GAK: variants seen among roughly 807,000 people sequenced by gnomAD.
The protein encoded by GAK is cyclin-G-associated kinase.
A neutral mutation model predicts 143.9 loss-of-function variants in GAK; 79 were observed. That is an observed-to-expected ratio of 0.55 (90% confidence interval 0.46 to 0.66). The LOEUF is 0.66. GAK is among the 30% of genes least tolerant of loss of function. The pLI is 0.00. For missense variants in GAK, 1,693 were observed against 1,779.7 expected (o/e 0.95, Z 0.88); for synonymous variants, 881 against 765.5 (o/e 1.15, Z -2.49).
rs891336446 is a variant in GAK at position 895,554 on chromosome 4, C to T, written c.741+906G>A. 1.3e-4 allele frequency among the ~76,000 whole-genome samples: 20 copies of T among 152,370 alleles called. 4 individuals carry two copies. Among genetic ancestry groups the T allele is most frequent in the East Asian group, 1.9e-4 (1 of 5,190 alleles). ...CAGCCTGCAGCCCCACGTGCTGTCT[C>T]AGCCTTCAGCCCATGTGCTGTGGCT... On this transcript the variant is annotated intron_variant, in intron 7 of 27. Transcript: ENST00000314167.
rs768579483 is a variant in GAK, at chr4:851,015, G to C, written c.3578C>G (p.Ser1193Cys). ...LLSNQGFSSR[S>C]DKKGPKTIAE... ...AATGGTCTTTGGCCCTTTCTTGTCA[G>C]ACCTGGAGGAGAAGCCTTGATTGGA... The change falls in exon 26 of 28, where the codon TCT (serine) becomes TGT (cysteine). Residue 1193 changes from serine to cysteine, a missense_variant. Around this residue, in one of 2 missense-constraint regions of GAK, gnomAD observed 822 missense variants for 788.7 expected, o/e 1.04. Transcript: ENST00000314167. The C allele has an allele frequency of 2.5e-6, 4 of 1,614,084 alleles. No homozygotes were observed. The East Asian group carries it at 8.9e-5, about 36-fold the overall frequency.
At chr4:909,451 C>T (rs951647429) in intron 4 of GAK, among the ~76,000 whole-genome samples, 2 of 152,160 alleles carry the variant, frequency 1.3e-5, no homozygotes, top group Non-Finnish European at 1.5e-5. Flanking sequence ...CGGGAAGGGC[C>T]GGGTGCGACG....
intron 5 of GAK, among the ~76,000 whole-genome samples, chr4:904,304 A>G (rs1229540780): frequency 3.6e-5 from 3 of 82,484 alleles, no homozygotes; most frequent in African/African-American, 9.8e-5. Flanking sequence ...GGAGGGAGCC[A>G]CGACCTTGTG....
chr4:899,582 C>A (rs1263482239), intron 5 of GAK, among the ~76,000 whole-genome samples: 2 of 138,470 alleles, frequency 1.4e-5, no homozygotes, highest in African/African-American at 5.3e-5. Context: ...TTCTGATAAG[C>A]CAGCCTCATC....
rs770449575 is a variant in GAK, at chr4:884,024, G to A, written c.1255+13C>T. On this transcript the variant is annotated intron_variant, in intron 12 of 27. Coordinates refer to ENST00000314167, the MANE Select transcript of GAK (RefSeq NM_005255.4). ...GCCGGGGCGCGTCCCACAGCCTCAT[G>A]TGGCACGCATACCTGCAATTCTGGA... 4.9e-5 allele frequency: 79 copies of A among 1,612,726 alleles called. No individual in the cohort carries two copies. The highest frequency in any genetic ancestry group is 6.3e-5 in the Non-Finnish European group (74 of 1,179,054).
At chr4:883,557 A>G in intron 12 of GAK, 94 bp from the exon 13 acceptor site, 2 of 1,440,480 alleles carry the variant, frequency 1.4e-6, no homozygotes, top group East Asian at 4.6e-5. Flanking sequence ...CCCCCGGGCA[A>G]GCGCAGCCTC....
chr4:859,814 C>T (rs1749960888), intron 23 of GAK, 92 bp from the exon 24 acceptor site: 2 of 876,400 alleles, frequency 2.3e-6, no homozygotes, highest in Non-Finnish European at 3.6e-6. Flanking sequence ...TACGACATGA[C>T]AGCCTCACTC....
rs771972176 is a variant in GAK at position 882,002 on chromosome 4, G to C, written c.1566C>G (p.Phe522Leu). The C allele has an allele frequency of 6.2e-7, 1 of 1,607,198 alleles. No individual in the cohort carries two copies. Among genetic ancestry groups the C allele is most frequent in the East Asian group, 2.2e-5 (1 of 44,702 alleles). The change falls in exon 15 of 28, where the codon TTC becomes TTG. Residue 522 changes from phenylalanine to leucine, a missense_variant. Physicochemically the swap from Phe to Leu is conservative, Grantham distance 22. This residue lies in a region of GAK where 871 missense variants were observed against 991.0 expected (regional missense o/e 0.88). Coordinates refer to ENST00000314167, the MANE Select transcript of GAK (RefSeq NM_005255.4). The part of the protein sequence containing the change: ...RAASAVAVCS[F>L]LCFCRLFSTA... ...TGCTGAAGAGACGGCAGAAGCACAG[G>C]AAGGAGCAGACGGCCACAGCAGACG... is the stretch of plus-strand genomic sequence containing the variant.
chr4:877,207 C>T lies in GAK; in HGVS notation c.1857G>A (p.Arg619=), dbSNP rs1391761606. 6.2e-7 allele frequency: 1 copy of T among 1,604,992 alleles called. No homozygotes were observed. Among genetic ancestry groups the T allele is most frequent in the Non-Finnish European group, 8.5e-7 (1 of 1,171,934 alleles). Reference sequence around the variant, plus strand: ...CTTTGCCATCTTCAATCTTAAAGTCCCTAAGGACAGAATGACAAGAGAAAA... The same window carrying T: ...CTTTGCCATCTTCAATCTTAAAGTCTCTAAGGACAGAATGACAAGAGAAAA... ...ASTSQEYDKM[R]DFKIEDGKAV... The change falls in exon 17 of 28, where the codon CGG becomes CGA. Residue 619 remains arginine, a splice_region_variant and synonymous_variant. Transcript: ENST00000314167.
Position 902,598 on chromosome 4 carries a change from A to AAAAAAAAAAAAC in GAK, c.525+2038_525+2039insGTTTTTTTTTTT, listed in dbSNP as rs1356254698. Among the ~76,000 whole-genome samples the AAAAAAAAAAAAC allele has an allele frequency of 2.5e-3, 375 of 147,516 alleles. 12 individuals carry two copies. Among genetic ancestry groups the AAAAAAAAAAAAC allele is most frequent in the Non-Finnish European group, 4.2e-3 (282 of 66,774 alleles). On this transcript the variant is annotated intron_variant, in intron 5 of 27. Coordinates refer to ENST00000314167, the MANE Select transcript of GAK (RefSeq NM_005255.4). ...CCTGGGCTGTAGAGTGACTGACTCA[A>AAAAAAAAAAAAC]AAAAAAAAAAAAAAAACCCCAAAAA... is the stretch of plus-strand genomic sequence containing the variant.
chr4:854,580 G>A (rs1169289450), intron 24 of GAK, among the ~76,000 whole-genome samples: 2 of 152,178 alleles, frequency 1.3e-5, no homozygotes, highest in East Asian at 1.9e-4. Context: ...TCTGATGAAC[G>A]GGTTTTCTGC....
intron 20 of GAK, among the ~76,000 whole-genome samples, chr4:867,734 C>T (rs529822817): frequency 1.3e-5 from 2 of 150,266 alleles, no homozygotes; most frequent in African/African-American, 2.5e-5. Context: ...AGGGCCTTGG[C>T]GAACCCACAT....
chr4:893,775 G>T, intron 8 of GAK, 99 bp downstream of exon 8: 1 of 1,376,574 alleles, frequency 7.3e-7, no homozygotes. Context: ...CGGGAGTGGG[G>T]CCAGGTGAGC....
intron 11 of GAK, chr4:884,539 G>T (rs559329615): frequency 1.2e-5 from 2 of 164,530 alleles, no homozygotes; most frequent in Middle Eastern, 2.7e-3. Flanking sequence ...TCCAGCAGAC[G>T]CCGCTGGAGG....
intron 24 of GAK, among the ~76,000 whole-genome samples, chr4:856,615 G>GTGCTCACACC (rs1204863866): frequency 9.1e-6 from 1 of 109,718 alleles, no homozygotes; most frequent in South Asian, 3.0e-4. Context: ...CTCACCACAG[G>GTGCTCACACC]TGCTCACACC....
chr4:899,711 C>CGTG (rs1719499954), intron 5 of GAK, among the ~76,000 whole-genome samples: 1 of 152,214 alleles, frequency 6.6e-6, no homozygotes, highest in Non-Finnish European at 1.5e-5. Flanking sequence ...TGCAAGGGGA[C>CGTG]GCCCAGGGTT....
intron 10 of GAK, among the ~76,000 whole-genome samples, chr4:889,710 G>C (rs1461728333): frequency 6.6e-6 from 1 of 152,216 alleles, no homozygotes; most frequent in Non-Finnish European, 1.5e-5. Flanking sequence ...GTGGGGATGC[G>C]GGGCGAGGTC....
chr4:893,954 C>T lies in GAK; in HGVS notation c.797G>A (p.Gly266Glu). 6.2e-7 allele frequency: 1 copy of T among 1,612,946 alleles called. No individual in the cohort carries two copies. The highest frequency in any genetic ancestry group is 8.5e-7 in the Non-Finnish European group (1 of 1,179,732). Residue 266 changes from glycine (G) to glutamate (E), a missense_variant, in exon 8 of 28, where the codon GGA (glycine) becomes GAA (glutamate). Coordinates refer to ENST00000314167, the MANE Select transcript of GAK (RefSeq NM_005255.4). The part of the protein sequence containing the change: ...LCFRQHPFED[G>E]AKLRIVNGKY... ...CCCATTGACTATTCGAAGTTTCGCT[C>T]CATCCTCAAAAGGGTGCTGCCGGAA... is the stretch of plus-strand genomic sequence containing the variant.
At chr4:877,038 C>T (rs1313731074) in intron 17 of GAK, 52 bp downstream of exon 17, 2 of 1,291,292 alleles carry the variant, frequency 1.5e-6, no homozygotes, top group African/African-American at 1.5e-5. Flanking sequence ...CCCAGCCCCC[C>T]ATGAGCCTAG....
Sources: gnomAD v4.1 joint callset for allele counts (sites outside exome capture counted in the v4.1 genomes callset) on GRCh38, gnomAD v4.1.1 for gene constraint, gnomAD v4.1.1 regional missense constraint, MANE v1.5 for transcripts, NCBI Gene and HGNC (gene_info 2026-07-23, HGNC 2026-07-21) for gene names.